Variants in CSF1R observed in about 807,000 individuals in gnomAD.
CSF1R encodes macrophage colony-stimulating factor 1 receptor.
CSF1R carries 40 observed loss-of-function variants against 110.0 expected under a neutral mutation model. The ratio of observed to expected loss-of-function variants is 0.36; its 90% CI spans 0.28 to 0.47. CSF1R has a LOEUF of 0.47. Among genes scored for constraint, CSF1R ranks in the 20% least tolerant of loss-of-function variants. The pLI is 0.99. For synonymous variants in CSF1R, 523 were observed against 503.4 expected, an observed-to-expected ratio of 1.04 and a Z score of -0.52; for missense variants, 1,052 against 1,253.0, an observed-to-expected ratio of 0.84 and a Z score of 2.42.
intron 13 of CSF1R, 87 bp from the exon 14 acceptor site, chr5:150,059,949 C>G: frequency 6.9e-7 from 1 of 1,458,082 alleles, no homozygotes; most frequent in Non-Finnish European, 9.3e-7. Flanking sequence ...AGTGAGGCCA[C>G]TGGACTTGGA....
intron 1 of CSF1R, among the ~76,000 whole-genome samples, chr5:150,084,134 C>T (rs1180920648): frequency 1.3e-5 from 2 of 151,780 alleles, no homozygotes; most frequent in Non-Finnish European, 2.9e-5. Flanking sequence ...TTCAGGAGTT[C>T]GAGACCAGCA....
chr5:150,090,080 A>G (rs1758989892), upstream of CSF1R, among the ~76,000 whole-genome samples: 1 of 152,224 alleles, frequency 6.6e-6, no homozygotes, highest in Non-Finnish European at 1.5e-5. Flanking sequence ...AAACCTTAAA[A>G]GAAACCATAA....
intron 14 of CSF1R, chr5:150,058,098 G>C (rs1301934830): frequency 2.5e-6 from 1 of 405,288 alleles, no homozygotes; most frequent in Non-Finnish European, 4.9e-6. Context: ...ATCTCCCCAG[G>C]TGATCACAAA....
Position 150,084,903 on chromosome 5 carries a change from C to T in CSF1R, c.49+1476G>A, listed in dbSNP as rs765048448. Among the ~76,000 whole-genome samples the T allele has an allele frequency of 4.6e-5, 7 of 152,144 alleles. 1 individual carries two copies. Among genetic ancestry groups the T allele is most frequent in the Admixed American group, 1.3e-4 (2 of 15,282 alleles). On this transcript the variant is annotated intron_variant, in intron 1 of 20. Transcript: ENST00000675795. ...GGACTCTCTGAGATGAAGGGGGTGGCGGGTACACTGTGTGTGCATTTGTCA... is the reference window on the plus strand; with the variant it reads ...GGACTCTCTGAGATGAAGGGGGTGGTGGGTACACTGTGTGTGCATTTGTCA...
chr5:150,076,607 C>T (rs1758278245), intron 5 of CSF1R, among the ~76,000 whole-genome samples: 1 of 152,146 alleles, frequency 6.6e-6, no homozygotes, highest in Non-Finnish European at 1.5e-5. Context: ...TGCAGTTATT[C>T]TTTCTCACTT....
intron 3 of CSF1R, among the ~76,000 whole-genome samples, chr5:150,079,787 G>A (rs539219312): frequency 6.6e-6 from 1 of 152,228 alleles, no homozygotes; most frequent in South Asian, 2.1e-4. Flanking sequence ...CTACCATGTT[G>A]AATGTTTATT....
rs145349023 is a variant in CSF1R at position 150,067,000 on chromosome 5, T to A, written c.1626+1215A>T. 384 of 153,216 alleles carry A rather than the reference T, an allele frequency of 2.5e-3. 2 individuals are homozygous for A. Among genetic ancestry groups the A allele is most frequent in the Non-Finnish European group, 4.3e-3 (295 of 68,676 alleles). The allele number at this position is 153,216 out of a possible 1,614,324, so 9.5% of individuals were successfully genotyped here. On this transcript the variant is annotated intron_variant, in intron 10 of 20. Transcript: ENST00000675795. ...CCCGTCCCACCAATGCCAAGCCACC[T>A]CCTCCAGGCAGTCTCCCTTACCCAC...
At chr5:150,101,415 C>A (rs1038253971) in intron 1 of CSF1R, among the ~76,000 whole-genome samples, 3 of 152,144 alleles carry the variant, frequency 2.0e-5, no homozygotes, top group African/African-American at 7.2e-5. Context: ...GTCACTGCAG[C>A]TTTGTAGGGT....
At chr5:150,056,412 G>A (rs1010332827) in intron 16 of CSF1R, 71 bp from the exon 17 acceptor site, 1 of 1,586,364 alleles carries the variant, frequency 6.3e-7, no homozygotes, top group Non-Finnish European at 8.6e-7. Flanking sequence ...AGGATGGCAG[G>A]GAGGGCCCCA....
intron 13 of CSF1R, 77 bp from the exon 14 acceptor site, chr5:150,059,939 A>C: frequency 6.6e-7 from 1 of 1,508,438 alleles, no homozygotes; most frequent in Non-Finnish European, 9.0e-7. Context: ...GACTGGGGGC[A>C]GTGAGGCCAC....
At chr5:150,062,310 T>G (rs1323134157) in intron 10 of CSF1R, among the ~76,000 whole-genome samples, 2 of 146,736 alleles carry the variant, frequency 1.4e-5, no homozygotes, top group Non-Finnish European at 3.0e-5. Context: ...CAACCATTTT[T>G]AAGTGTATGG....
At chr5:150,084,230 A>T (rs903624094) in intron 1 of CSF1R, among the ~76,000 whole-genome samples, 1 of 151,618 alleles carries the variant, frequency 6.6e-6, no homozygotes, top group Admixed American at 6.6e-5. Flanking sequence ...ACAGCTACTC[A>T]GGAGTGGCAG....
In CSF1R at chr5:150,061,866, G is replaced by A. The variant is rs759988147; in HGVS notation, c.1627-17C>T. On this transcript the variant is annotated splice_polypyrimidine_tract_variant and intron_variant, in intron 10 of 20. Coordinates refer to ENST00000675795, the MANE Select transcript of CSF1R (RefSeq NM_001288705.3). Reference sequence around the variant, plus strand: ...CTTGGGCTTCTGCAGAAGAGGAAGGGAGCACGTGGCAGTCGGGGCTGGCAG... The same window carrying A: ...CTTGGGCTTCTGCAGAAGAGGAAGGAAGCACGTGGCAGTCGGGGCTGGCAG... 6.2e-7 allele frequency: 1 copy of A among 1,614,078 alleles called. No individual in the cohort carries two copies. The highest frequency in any genetic ancestry group is 8.5e-7 in the Non-Finnish European group (1 of 1,179,992).
intron 1 of CSF1R, among the ~76,000 whole-genome samples, chr5:150,083,069 C>T (rs942731699): frequency 6.6e-6 from 1 of 152,058 alleles, no homozygotes; most frequent in African/African-American, 2.4e-5. Flanking sequence ...CAGGTATTCA[C>T]GCAGGATAAG....
chr5:150,080,664 C>A, intron 2 of CSF1R, 103 bp downstream of exon 2: 2 of 1,436,306 alleles, frequency 1.4e-6, no homozygotes, highest in Non-Finnish European at 1.9e-6. Flanking sequence ...ATAGCCAGCA[C>A]TCAGTAAATG....
chr5:150,077,178 C>A (rs764885650), intron 5 of CSF1R, 98 bp downstream of exon 5: 2 of 1,476,780 alleles, frequency 1.4e-6, no homozygotes, highest in East Asian at 4.5e-5. Flanking sequence ...ATATCCTCAG[C>A]AGGTCTCCTT....
At chr5:150,062,003 C>T (rs941290282) in intron 10 of CSF1R, among the ~76,000 whole-genome samples, 154 bp from the exon 11 acceptor site, 38 of 152,294 alleles carry the variant, frequency 2.5e-4, no homozygotes, top group Admixed American at 1.8e-3. Context: ...GAGGTCGTCT[C>T]ATGAACATAG....
At position 150,055,839 on chromosome 5, in the gene CSF1R, G is replaced by A. The variant is rs200987596; in HGVS notation, c.2554+187C>T. 9.8e-5 allele frequency among the ~76,000 whole-genome samples: 15 copies of A among 152,354 alleles called. No homozygotes were observed. The East Asian group carries it at 2.5e-3, about 25-fold the overall frequency. On this transcript the variant is annotated intron_variant, in intron 18 of 20. Coordinates refer to ENST00000675795, the MANE Select transcript of CSF1R (RefSeq NM_001288705.3). ...AACGAGGGAAGAGCCAGAAAGGAGC[G>A]CCTGTCAGGGGCAGAGGGTCTGCCG...
intron 9 of CSF1R, 133 bp downstream of exon 9, chr5:150,069,740 G>A: frequency 2.4e-6 from 2 of 825,720 alleles, no homozygotes; most frequent in Non-Finnish European, 1.8e-6. Flanking sequence ...GTGGACCTTG[G>A]TACTGCTAGG....
Sources: allele counts gnomAD v4.1 joint callset (sites outside exome capture counted in the v4.1 genomes callset), GRCh38; gene constraint gnomAD v4.1.1; transcripts MANE v1.5; gene names NCBI Gene and HGNC (gene_info 2026-07-23, HGNC 2026-07-21).